The following DNAJC18 variants were observed in gnomAD, a reference collection of about 807,000 sequenced individuals.
DNAJC18 encodes the protein DnaJ heat shock protein family (Hsp40) member C18.
A neutral mutation model predicts 48.6 loss-of-function variants in DNAJC18; 40 were observed. The ratio of observed to expected loss-of-function variants is 0.82; its 90% CI spans 0.64 to 1.07. DNAJC18 has a LOEUF of 1.07. Among genes scored for constraint, DNAJC18 ranks in the 50% least tolerant of loss-of-function variants. The probability of loss-of-function intolerance (pLI) is 0.00; values close to 1 mark genes in which losing one functional copy is unlikely to be tolerated. For synonymous variants in DNAJC18, 135 were observed against 152.2 expected, an observed-to-expected ratio of 0.89 and a Z score of 0.83; for missense variants, 340 against 427.7, an observed-to-expected ratio of 0.79 and a Z score of 1.81.
chr5:139,419,098 A>G (rs1180168789), intron 7 of DNAJC18: 1 of 443,624 alleles, frequency 2.3e-6, no homozygotes, highest in Non-Finnish European at 4.5e-6. Flanking sequence ...AATGATACTC[A>G]GTAATAAGGC....
intron 2 of DNAJC18, among the ~76,000 whole-genome samples, chr5:139,431,836 C>T (rs544521696): frequency 3.9e-5 from 6 of 152,330 alleles, no homozygotes; most frequent in Admixed American, 6.5e-5. Context: ...AATTTATCTG[C>T]TTCTTTATAA....
chr5:139,428,675 T>C lies in DNAJC18; in HGVS notation c.236A>G (p.Lys79Arg). 6.2e-7 allele frequency: 1 copy of C among 1,609,942 alleles called. No individual in the cohort carries two copies. The highest frequency in any genetic ancestry group is 8.5e-7 in the Non-Finnish European group (1 of 1,178,918). Residue 79 changes from lysine (K) to arginine (R), a missense_variant, in exon 3 of 8, where the codon AAA becomes AGA. Transcript: ENST00000302060. Reference protein sequence around the residue: ...EQLLGVQRIKKCRNYYEILGV... With the variant: ...EQLLGVQRIKRCRNYYEILGV... ...CAGAATTTCATAGTAATTTCTGCAT[T>C]TCTTGATCCTAAAAAAAATCACAAG...
intron 5 of DNAJC18, 68 bp from the exon 6 acceptor site, chr5:139,422,885 G>C: frequency 9.2e-7 from 1 of 1,087,540 alleles, no homozygotes; most frequent in Non-Finnish European, 1.3e-6. Flanking sequence ...GCCCAGGCTG[G>C]AGTGCAGTGG....
intron 3 of DNAJC18, 90 bp downstream of exon 3, chr5:139,428,448 C>A: frequency 1.3e-6 from 2 of 1,510,288 alleles, no homozygotes; most frequent in Non-Finnish European, 1.8e-6. Flanking sequence ...CTCCTTATGG[C>A]CTTATAAAAC....
At chr5:139,423,823 TA>T (rs1759193401) in intron 5 of DNAJC18, among the ~76,000 whole-genome samples, 1 of 151,870 alleles carries the variant, frequency 6.6e-6, no homozygotes, top group East Asian at 1.9e-4. Flanking sequence ...ACTCAATCTA[TA>T]CCAAATAACC....
chr5:139,437,123 T>A (rs971837936), intron 2 of DNAJC18, among the ~76,000 whole-genome samples: 1 of 152,226 alleles, frequency 6.6e-6, no homozygotes, highest in African/African-American at 2.4e-5. Context: ...GTTGAAAGAA[T>A]GTCCTGTAGA....
chr5:139,436,501 G>C (rs2152085446), intron 2 of DNAJC18, among the ~76,000 whole-genome samples: 1 of 150,622 alleles, frequency 6.6e-6, no homozygotes, highest in East Asian at 1.9e-4. Context: ...GGATTGGTAG[G>C]GATATCCCTC....
chr5:139,420,440 G>T, intron 6 of DNAJC18: 1 of 503,598 alleles, frequency 2.0e-6, no homozygotes, highest in Non-Finnish European at 3.4e-6. Context: ...TATGAATTCA[G>T]CTTCAGCATA....
intron 4 of DNAJC18, 78 bp downstream of exon 4, chr5:139,426,094 T>C (rs916338192): frequency 6.8e-7 from 1 of 1,466,198 alleles, no homozygotes; most frequent in Non-Finnish European, 9.3e-7. Flanking sequence ...GTACCTCTAT[T>C]CAGATTTTCA....
At chr5:139,429,312 G>C (rs913334695) in intron 2 of DNAJC18, among the ~76,000 whole-genome samples, 3 of 151,996 alleles carry the variant, frequency 2.0e-5, no homozygotes, top group African/African-American at 7.2e-5. Context: ...TCAAACTCCT[G>C]ACCTTGTGAT....
chr5:139,429,567 C>A (rs944409811), intron 2 of DNAJC18, among the ~76,000 whole-genome samples: 1 of 152,130 alleles, frequency 6.6e-6, no homozygotes, highest in Non-Finnish European at 1.5e-5. Flanking sequence ...ATAGTCCTCT[C>A]CATTTTTTTT....
At chr5:139,423,154 A>G (rs1390924542) in intron 5 of DNAJC18, among the ~76,000 whole-genome samples, 2 of 152,130 alleles carry the variant, frequency 1.3e-5, no homozygotes, top group Non-Finnish European at 2.9e-5. Flanking sequence ...TTATCAATAT[A>G]AAGCTTATTG....
intron 7 of DNAJC18, among the ~76,000 whole-genome samples, chr5:139,418,462 G>A (rs1176501502): frequency 6.6e-6 from 1 of 152,280 alleles, no homozygotes; most frequent in East Asian, 1.9e-4. Flanking sequence ...CTTTTAATAT[G>A]AGGCCTTTAT....
chr5:139,430,208 A>T (rs181494112), intron 2 of DNAJC18, among the ~76,000 whole-genome samples: 1 of 152,256 alleles, frequency 6.6e-6, no homozygotes, highest in East Asian at 1.9e-4. Flanking sequence ...TTAAACAGTG[A>T]TGATGTAATT....
In DNAJC18 at chr5:139,414,027, C is replaced by A. The variant is rs1446365848; in HGVS notation, c.*121G>T. 4 of 1,433,704 alleles carry A rather than the reference C, an allele frequency of 2.8e-6. No homozygotes were observed. Among genetic ancestry groups the A allele is most frequent in the African/African-American group, 2.9e-5 (2 of 69,062 alleles). The allele number at this position is 1,433,704 out of a possible 1,614,324, so 88.8% of individuals were successfully genotyped here. A position where few individuals can be genotyped will look rare whatever the true frequency, so the allele number is the denominator to read the frequency against. On this transcript the variant is annotated 3_prime_UTR_variant, in exon 8 of 8. Transcript: ENST00000302060. ...CCATGCTCCTGCCACTCTGCCCAAC[C>A]AACGAAGTTAGCAAATAGTAAAGTG...
At chr5:139,417,943 A>T (rs764982301) in intron 7 of DNAJC18, among the ~76,000 whole-genome samples, 1 of 152,164 alleles carries the variant, frequency 6.6e-6, no homozygotes, top group Non-Finnish European at 1.5e-5. Context: ...GGATGGGGAC[A>T]AAAGCTGAGA....
In DNAJC18 at chr5:139,428,607, A is replaced by G; in HGVS notation, c.304T>C (p.Tyr102His). 3 of 1,614,046 alleles carry G rather than the reference A, an allele frequency of 1.9e-6. No homozygotes were observed. The highest frequency in any genetic ancestry group is 2.5e-6 in the Non-Finnish European group (3 of 1,179,992). The change falls in exon 3 of 8, where the codon TAC becomes CAC. Residue 102 changes from tyrosine to histidine, a missense_variant. Tyr to His is a moderately conservative substitution (Grantham distance 83). Transcript: ENST00000302060. ...TGAAATTTCAGGGCGAGTTTTCTGT[A>G]AGCTTTCTTAAGCTCTTCGTCACTA... Reference protein sequence around the residue: ...DASDEELKKAYRKLALKFHPD... With the variant: ...DASDEELKKAHRKLALKFHPD...
chr5:139,421,438 C>T (rs540914646), intron 6 of DNAJC18, among the ~76,000 whole-genome samples: 1 of 151,096 alleles, frequency 6.6e-6, no homozygotes, highest in South Asian at 2.1e-4. Flanking sequence ...GCCTGGGTGA[C>T]AGAGCAAGAC....
intron 6 of DNAJC18, among the ~76,000 whole-genome samples, chr5:139,420,883 G>A (rs767308947): frequency 6.6e-6 from 1 of 152,034 alleles, no homozygotes; most frequent in African/African-American, 2.4e-5. Flanking sequence ...TTAAAACAAT[G>A]TGACAGAAAT....
Sources: allele counts gnomAD v4.1 joint callset (sites outside exome capture counted in the v4.1 genomes callset), GRCh38; gene constraint gnomAD v4.1.1; transcripts MANE v1.5; gene names NCBI Gene and HGNC (gene_info 2026-07-23, HGNC 2026-07-21).